The following GBE1 variants were observed in gnomAD, a reference collection of about 807,000 sequenced individuals.
GBE1 encodes 1,4-alpha-glucan-branching enzyme.
GBE1 carries 70 observed loss-of-function variants against 88.8 expected under a neutral mutation model. The observed-to-expected ratio is 0.79, with a 90% CI of 0.65 to 0.96. GBE1 has a LOEUF of 0.96. GBE1 is among the 40% of genes least tolerant of loss of function. GBE1 has a pLI of 0.00. For missense variants in GBE1, 872 were observed against 871.0 expected (o/e 1.00, Z -0.01); for synonymous variants, 284 against 300.1 (o/e 0.95, Z 0.56).
intron 14 of GBE1, among the ~76,000 whole-genome samples, chr3:81,526,037 T>G (rs894543046): frequency 2.6e-5 from 4 of 152,128 alleles, no homozygotes; most frequent in African/African-American, 9.7e-5. Flanking sequence ...TTCCTTCAGT[T>G]CAGCTCTGAT....
chr3:81,622,849 A>C (rs1704352012), intron 7 of GBE1, among the ~76,000 whole-genome samples: 1 of 152,122 alleles, frequency 6.6e-6, no homozygotes, highest in African/African-American at 2.4e-5. Flanking sequence ...TTTTTAAATC[A>C]GTTATACCTT....
chr3:81,537,182 T>A, intron 12 of GBE1, 87 bp from the exon 13 acceptor site: 18 of 903,628 alleles, frequency 2.0e-5, no homozygotes, highest in Non-Finnish European at 2.6e-5. Flanking sequence ...GTTTTTAATG[T>A]TTTTTAAATT....
At chr3:81,638,773 G>A (rs1297231963) in intron 7 of GBE1, among the ~76,000 whole-genome samples, 1 of 152,166 alleles carries the variant, frequency 6.6e-6, no homozygotes, top group Admixed American at 6.6e-5. Flanking sequence ...CTCAGAGTAA[G>A]AGATTTAATT....
chr3:81,690,326 G>A lies in GBE1; in HGVS notation c.313+15118C>T, dbSNP rs3772898. 8.3e-4 allele frequency among the ~76,000 whole-genome samples: 126 copies of A among 152,190 alleles called. 2 individuals carry two copies. The East Asian group carries it at 0.023, about 28-fold the overall frequency. ...CTCTAAATTCCTCTTACTAAGCTTCGCAAAGAAATGAATAAACTATATCTC... is the reference window on the plus strand; with the variant it reads ...CTCTAAATTCCTCTTACTAAGCTTCACAAAGAAATGAATAAACTATATCTC... On this transcript the variant is annotated intron_variant, in intron 2 of 15. Transcript: ENST00000429644.
At position 81,761,496 on chromosome 3, in the gene GBE1, C is replaced by T. The variant is rs1297879927; in HGVS notation, c.22G>A (p.Ala8Thr). Residue 8 changes from alanine (A) to threonine (T), a missense_variant, in exon 1 of 16, where the codon GCG becomes ACG. Physicochemically the swap from Ala to Thr is moderately conservative, Grantham distance 58. Transcript: ENST00000429644. MAAPMTP[A>T]ARPEDYEAAL... ...GCCTCGTAGTCCTCGGGCCGAGCCG[C>T]GGGAGTCATCGGAGCCGCCATATTC... 1.9e-6 allele frequency: 3 copies of T among 1,600,838 alleles called. No homozygotes were observed. The highest frequency in any genetic ancestry group is 3.5e-5 in the Admixed American group (2 of 57,958).
intron 7 of GBE1, among the ~76,000 whole-genome samples, chr3:81,598,203 A>G (rs1001676043): frequency 6.6e-6 from 1 of 151,980 alleles, no homozygotes; most frequent in Non-Finnish European, 1.5e-5. Flanking sequence ...AATAAATAAG[A>G]GACATTACTA....
At chr3:81,700,232 T>G (rs1265854008) in intron 2 of GBE1, among the ~76,000 whole-genome samples, 2 of 152,118 alleles carry the variant, frequency 1.3e-5, no homozygotes, top group Non-Finnish European at 2.9e-5. Context: ...ACAAAAAAGA[T>G]TAGATGAAGA....
chr3:81,657,903 G>A (rs1434594632), intron 3 of GBE1, among the ~76,000 whole-genome samples: 1 of 152,050 alleles, frequency 6.6e-6, no homozygotes, highest in Non-Finnish European at 1.5e-5. Flanking sequence ...GGTGGATAGA[G>A]AGAGATTAAA....
In GBE1 at chr3:81,535,297, T is replaced by C. The variant is rs761527921; in HGVS notation, c.1832A>G (p.Asn611Ser). The C allele has an allele frequency of 1.2e-6, 2 of 1,610,634 alleles. No homozygotes were observed. The highest frequency in any genetic ancestry group is 1.7e-5 in the Admixed American group (1 of 59,540). ...QAYVSEKHEG[N>S]KIIAFERAGL... ...TGCTCTTTCAAAAGCAATGATCTTA[T>C]TGCCTTCATGTTTTTCACTCACGTA... The change falls in exon 14 of 16, where the codon AAT becomes AGT. Residue 611 changes from asparagine to serine, a missense_variant. Coordinates refer to ENST00000429644, the MANE Select transcript of GBE1 (RefSeq NM_000158.4).
At chr3:81,578,640 C>T (rs552481854) in intron 11 of GBE1, among the ~76,000 whole-genome samples, 1 of 151,926 alleles carries the variant, frequency 6.6e-6, no homozygotes, top group African/African-American at 2.4e-5. Flanking sequence ...AATTTGCTTT[C>T]TCATTGTATT....
intron 7 of GBE1, among the ~76,000 whole-genome samples, chr3:81,631,586 A>C (rs1393578295): frequency 2.0e-5 from 3 of 151,632 alleles, no homozygotes; most frequent in Non-Finnish European, 4.4e-5. Context: ...ATACAAAAAA[A>C]AAAACAAAAA....
At chr3:81,582,784 C>T (rs1053514465) in intron 10 of GBE1, among the ~76,000 whole-genome samples, 3 of 151,916 alleles carry the variant, frequency 2.0e-5, no homozygotes, top group Non-Finnish European at 4.4e-5. Flanking sequence ...AAAATAAAAA[C>T]TATAAAACAT....
intron 7 of GBE1, among the ~76,000 whole-genome samples, chr3:81,601,697 G>C (rs1434155896): frequency 6.6e-6 from 1 of 151,986 alleles, no homozygotes; most frequent in Admixed American, 6.6e-5. Context: ...TTACATTTAT[G>C]GCTGTAATAT....
chr3:81,521,916 G>T (rs934529576), intron 14 of GBE1, among the ~76,000 whole-genome samples: 1 of 151,560 alleles, frequency 6.6e-6, no homozygotes, highest in African/African-American at 2.4e-5. Flanking sequence ...TGTGATGGCT[G>T]CCAGGAAAGC....
rs563430957 is a variant in GBE1, at chr3:81,625,828, C to T, written c.992+16953G>A. On this transcript the variant is annotated intron_variant, in intron 7 of 15. Coordinates refer to ENST00000429644, the MANE Select transcript of GBE1 (RefSeq NM_000158.4). ...TGTACAGCTGATATCTATTGGAGTACGGGGAGAAAAGGAAAGGTAATGAGA... is the reference window on the plus strand; with the variant it reads ...TGTACAGCTGATATCTATTGGAGTATGGGGAGAAAAGGAAAGGTAATGAGA... Among the ~76,000 whole-genome samples, 21 of 151,346 alleles carry T rather than the reference C, an allele frequency of 1.4e-4. No individual in the cohort carries two copies. In the East Asian group the frequency reaches 2.9e-3, roughly 21 times the overall value.
At chr3:81,533,484 G>A (rs1464980699) in intron 14 of GBE1, among the ~76,000 whole-genome samples, 4 of 152,176 alleles carry the variant, frequency 2.6e-5, no homozygotes, top group Non-Finnish European at 5.9e-5. Context: ...GGCTGGGTGG[G>A]AAGAAAGTAG....
chr3:81,564,992 A>G (rs768287626), intron 12 of GBE1, among the ~76,000 whole-genome samples: 2 of 152,300 alleles, frequency 1.3e-5, no homozygotes, highest in Non-Finnish European at 2.9e-5. Context: ...AAAGCTCCCC[A>G]GGTAATTGTA....
chr3:81,575,310 A>G (rs1392583011), intron 12 of GBE1, among the ~76,000 whole-genome samples: 1 of 152,176 alleles, frequency 6.6e-6, no homozygotes, highest in Non-Finnish European at 1.5e-5. Context: ...AACCATTCAC[A>G]ATAACCTAGC....
At chr3:81,627,141 A>G (rs1704428780) in intron 7 of GBE1, among the ~76,000 whole-genome samples, 1 of 152,222 alleles carries the variant, frequency 6.6e-6, no homozygotes, top group African/African-American at 2.4e-5. Flanking sequence ...GTATTACTTC[A>G]TAGAGATAAT....
Sources: gnomAD v4.1 joint callset for allele counts (sites outside exome capture counted in the v4.1 genomes callset) on GRCh38, gnomAD v4.1.1 for gene constraint, MANE v1.5 for transcripts, NCBI Gene and HGNC (gene_info 2026-07-23, HGNC 2026-07-21) for gene names.